The following PRDM16 variants were observed in gnomAD, a reference collection of about 807,000 sequenced individuals.
PRDM16 encodes the protein histone-lysine N-methyltransferase PRDM16.
PRDM16 carries 23 observed loss-of-function variants against 110.6 expected under a neutral mutation model. That is an observed-to-expected ratio of 0.21 (90% CI 0.15 to 0.29). The LOEUF (loss-of-function observed/expected upper bound fraction) is 0.29. PRDM16 is among the 10% of genes least tolerant of loss of function. The pLI is 1.00. For synonymous variants in PRDM16, 799 were observed against 781.8 expected (o/e 1.02, Z -0.37); for missense variants, 1,615 against 1,794.3 (o/e 0.90, Z 1.81).
At chr1:3,331,088 G>C (rs958417298) in intron 3 of PRDM16, among the ~76,000 whole-genome samples, 5 of 152,250 alleles carry the variant, frequency 3.3e-5, no homozygotes, top group African/African-American at 1.2e-4. Context: ...GGCCAAGGGA[G>C]GGGCCGCCAG....
At chr1:3,286,283 G>A (rs1370463587) in intron 3 of PRDM16, among the ~76,000 whole-genome samples, 1 of 152,220 alleles carries the variant, frequency 6.6e-6, no homozygotes, top group Non-Finnish European at 1.5e-5. Flanking sequence ...TGATAAAGTG[G>A]TCAGTGTTTG....
intron 3 of PRDM16, among the ~76,000 whole-genome samples, chr1:3,250,623 C>T (rs996753239): frequency 6.6e-6 from 1 of 152,124 alleles, no homozygotes; most frequent in African/African-American, 2.4e-5. Context: ...TATGCTGGTG[C>T]CATGGTCTCT....
At chr1:3,270,785 AGAG>A (rs1640433199) in intron 3 of PRDM16, among the ~76,000 whole-genome samples, 4 of 144,852 alleles carry the variant, frequency 2.8e-5, no homozygotes, top group African/African-American at 5.4e-5. Flanking sequence ...GGACAGTCCC[AGAG>A]GAGGAGAGTC....
At chr1:3,343,356 A>G (rs769893437) in intron 3 of PRDM16, among the ~76,000 whole-genome samples, 5 of 151,178 alleles carry the variant, frequency 3.3e-5, no homozygotes, top group African/African-American at 4.9e-5. Context: ...TTAGATCTTT[A>G]TGTATCCTAG....
At chr1:3,177,761 A>G (rs773257292) in intron 1 of PRDM16, among the ~76,000 whole-genome samples, 4 of 152,242 alleles carry the variant, frequency 2.6e-5, no homozygotes, top group Non-Finnish European at 4.4e-5. Context: ...GTTGTGATGG[A>G]GGCGTTCTCT....
At chr1:3,107,813 C>G (rs1379798320) in intron 1 of PRDM16, among the ~76,000 whole-genome samples, 1 of 152,272 alleles carries the variant, frequency 6.6e-6, no homozygotes, top group African/African-American at 2.4e-5. Flanking sequence ...TCACTCTCTC[C>G]CTGCCCTGGG....
chr1:3,114,408 ACG>A (rs1642893105), intron 1 of PRDM16, among the ~76,000 whole-genome samples: 2 of 102,908 alleles, frequency 1.9e-5, no homozygotes, highest in South Asian at 6.6e-4. Flanking sequence ...GCGCACACAC[ACG>A]CACACACATG....
rs148190728 is a variant in PRDM16, at chr1:3,081,116, C to T, written c.37+11820C>T. 3.2e-3 allele frequency among the ~76,000 whole-genome samples: 485 copies of T among 152,270 alleles called. 2 individuals are homozygous for T. The highest frequency in any genetic ancestry group is 0.019 in the East Asian group (96 of 5,168). On this transcript the variant is annotated intron_variant, in intron 1 of 16. Transcript: ENST00000270722. This position sits in a 1 kb window ranked among gnomAD's most constrained non-coding sequence, Gnocchi z 4.6. ...AATCTGAACCGCAGGGCAGAGGCCC[C>T]GGAGTCTTAACTTTCCCTCCGTCGA... is the stretch of plus-strand genomic sequence containing the variant.
rs764675702 is a variant in PRDM16 at position 3,411,988 on chromosome 1, C to A, written c.1791C>A (p.Asp597Glu). 4.3e-6 allele frequency: 7 copies of A among 1,613,546 alleles called. No individual in the cohort carries two copies. Among genetic ancestry groups the A allele is most frequent in the Non-Finnish European group, 5.9e-6 (7 of 1,180,004 alleles). ...CVEKLKTRSS[D>E]MSDGSDFEDV... ...AGAAGCTGAAGACCAGGAGCAGCGACATGTCGGACGGCAGTGACTTTGAGG... is the reference window on the plus strand; with the variant it reads ...AGAAGCTGAAGACCAGGAGCAGCGAAATGTCGGACGGCAGTGACTTTGAGG... The change falls in exon 9 of 17, where the codon GAC (aspartate) becomes GAA (glutamate). Residue 597 changes from aspartate (D) to glutamate (E), a missense_variant. Asp to Glu is a conservative substitution (Grantham distance 45, BLOSUM62 2). Coordinates refer to ENST00000270722, the MANE Select transcript of PRDM16 (RefSeq NM_022114.4).
At chr1:3,426,285 A>G (rs1638603079) in intron 14 of PRDM16, 60 bp downstream of exon 14, 3 of 1,453,466 alleles carry the variant, frequency 2.1e-6, no homozygotes, top group Non-Finnish European at 2.9e-6. Flanking sequence ...CTGCGTGGCC[A>G]CCCTCAGAGG....
intron 3 of PRDM16, among the ~76,000 whole-genome samples, chr1:3,324,952 C>T (rs1398629080): frequency 6.6e-6 from 1 of 152,152 alleles, no homozygotes; most frequent in Non-Finnish European, 1.5e-5. Flanking sequence ...TACTGATGTC[C>T]TGGGGGGAGG....
intron 3 of PRDM16, among the ~76,000 whole-genome samples, chr1:3,254,097 T>C (rs1362306057): frequency 6.6e-6 from 1 of 152,246 alleles, no homozygotes; most frequent in Non-Finnish European, 1.5e-5. Flanking sequence ...TTGTAGATTT[T>C]GGATATTAGC....
chr1:3,083,588 C>T (rs1642080427), intron 1 of PRDM16, among the ~76,000 whole-genome samples: 1 of 85,118 alleles, frequency 1.2e-5, no homozygotes, highest in Non-Finnish European at 2.6e-5. Flanking sequence ...CACACAGCGC[C>T]TGCTGTCAGG....
chr1:3,153,230 C>G (rs1322930810), intron 1 of PRDM16, among the ~76,000 whole-genome samples: 2 of 152,240 alleles, frequency 1.3e-5, no homozygotes, highest in Non-Finnish European at 2.9e-5. Context: ...CAGGCAATAG[C>G]TCTGGAGTGG....
chr1:3,181,674 ACGCG>A (rs1344449843), intron 1 of PRDM16, among the ~76,000 whole-genome samples: 4 of 136,604 alleles, frequency 2.9e-5, no homozygotes, highest in African/African-American at 1.2e-4. Context: ...ACAGTCTTAC[ACGCG>A]CAGTCTTACA....
intron 3 of PRDM16, among the ~76,000 whole-genome samples, chr1:3,378,720 G>A (rs907426756): frequency 6.6e-5 from 10 of 152,186 alleles, no homozygotes; most frequent in Admixed American, 2.0e-4. Flanking sequence ...AGGAGGCAGC[G>A]GTCAGGGCAG....
chr1:3,130,945 T>C (rs566033354), intron 1 of PRDM16, among the ~76,000 whole-genome samples: 14 of 152,236 alleles, frequency 9.2e-5, no homozygotes, highest in African/African-American at 3.4e-4. Flanking sequence ...GTTAGGTGTG[T>C]TCCAGCACCT....
At chr1:3,367,106 A>G (rs1642829825) in intron 3 of PRDM16, among the ~76,000 whole-genome samples, 1 of 152,192 alleles carries the variant, frequency 6.6e-6, no homozygotes, top group Non-Finnish European at 1.5e-5. Context: ...CATCTCTACG[A>G]AAAATACAAA....
At chr1:3,397,643 C>T (rs972622386) in intron 5 of PRDM16, among the ~76,000 whole-genome samples, 1 of 152,234 alleles carries the variant, frequency 6.6e-6, no homozygotes, top group Admixed American at 6.5e-5. Flanking sequence ...CCCTCCTGGC[C>T]GTTTCCGGCG....
Sources: gnomAD v4.1 joint callset for allele counts (sites outside exome capture counted in the v4.1 genomes callset) on GRCh38, gnomAD v4.1.1 for gene constraint, Gnocchi (gnomAD v3.1) non-coding constraint, MANE v1.5 for transcripts, NCBI Gene and HGNC (gene_info 2026-07-23, HGNC 2026-07-21) for gene names.